Variants in POLR2E observed in about 807,000 individuals in gnomAD.
POLR2E encodes DNA-directed RNA polymerases I, II, and III subunit RPABC1.
Under a neutral mutation model 29.8 loss-of-function variants are expected in POLR2E, and 35 were observed. The ratio of observed to expected loss-of-function variants is 1.17; its 90% confidence interval spans 0.90 to 1.55. The LOEUF is 1.55. Ranked by LOEUF, POLR2E falls within the 40% of genes most tolerant of loss-of-function variation. The pLI is 0.00. For synonymous variants in POLR2E, 174 were observed against 112.6 expected, an observed-to-expected ratio of 1.55 and a Z score of -3.45; for missense variants, 287 against 288.6, an observed-to-expected ratio of 0.99 and a Z score of 0.04.
Position 1,093,923 on chromosome 19 carries a change from C to T in POLR2E, c.213G>A (p.Gln71=), listed in dbSNP as rs2043891098. 1 of 1,606,402 alleles carries T rather than the reference C, an allele frequency of 6.2e-7. No homozygotes were observed. The highest frequency in any genetic ancestry group is 1.1e-5 in the South Asian group (1 of 90,186). Residue 71 remains glutamine, a synonymous_variant, in exon 2 of 8, where the codon CAG becomes CAA. Transcript: ENST00000615234. ...GCTCACCTGGAAAGAACACAAACAT[C>T]TGGTCGGTGGGGTCATCGTTGTGGG... is the stretch of plus-strand genomic sequence containing the variant. ...LVAHNDDPTD[Q]MFVFFPEEPK...
At position 1,086,978 on chromosome 19, in the gene POLR2E, C is replaced by G. The variant is rs895310620; in HGVS notation, c.*1757G>C. On this transcript the variant is annotated 3_prime_UTR_variant, in exon 8 of 8. Coordinates refer to ENST00000615234, the MANE Select transcript of POLR2E (RefSeq NM_002695.5). Reference sequence around the variant, plus strand: ...CCAAGCACTGGAAACGTGGCCCATGCGCCTGTGGAACTGCATTTTTTTTTT... The same window carrying G: ...CCAAGCACTGGAAACGTGGCCCATGGGCCTGTGGAACTGCATTTTTTTTTT... 1 of 147,550 alleles carries G rather than the reference C, an allele frequency of 6.8e-6. No homozygotes were observed. Among genetic ancestry groups the G allele is most frequent in the African/African-American group, 2.6e-5 (1 of 39,172 alleles). The allele number at this position is 147,550 out of a possible 1,614,324, so 9.1% of individuals were successfully genotyped here. A position where few individuals can be genotyped will look rare whatever the true frequency, so the allele number is the denominator to read the frequency against.
At position 1,095,289 on chromosome 19, in the gene POLR2E, C is replaced by A; in HGVS notation, c.27G>T (p.Arg9=). ...TGATGGTCTTGCGGATTTTCCAGAGCCGGTACGTCTCCTCCTCGTCGTCCA... is the reference window on the plus strand; with the variant it reads ...TGATGGTCTTGCGGATTTTCCAGAGACGGTACGTCTCCTCCTCGTCGTCCA... MDDEEETY[R]LWKIRKTIMQ... is the part of the protein sequence containing the mutation. The change falls in exon 1 of 8, where the codon CGG becomes CGT. Residue 9 remains arginine (R), a synonymous_variant. Transcript: ENST00000615234. 1 of 1,613,304 alleles carries A rather than the reference C, an allele frequency of 6.2e-7. No individual in the cohort carries two copies. Among genetic ancestry groups the A allele is most frequent in the Non-Finnish European group, 8.5e-7 (1 of 1,179,786 alleles).
chr19:1,090,918 G>T lies in POLR2E; in HGVS notation c.419C>A (p.Thr140Lys), dbSNP rs948584739. The T allele has an allele frequency of 6.2e-7, 1 of 1,612,874 alleles. No individual in the cohort carries two copies. The highest frequency in any genetic ancestry group is 8.5e-7 in the Non-Finnish European group (1 of 1,179,810). ...GCGGCGCGCGCCCACCTCGTGCTCC[G>T]TGATGTTGATGAGCAGCTCCTGCTG... The part of the protein sequence containing the change: ...FLQQELLINI[T>K]EHELVPEHVV... The change falls in exon 4 of 8, where the codon ACG (threonine) becomes AAG (lysine). Residue 140 changes from threonine (T) to lysine (K), a missense_variant. Coordinates refer to ENST00000615234, the MANE Select transcript of POLR2E (RefSeq NM_002695.5).
In POLR2E at chr19:1,086,784, GC is replaced by G. The variant is rs2043682164; in HGVS notation, c.*1950del. 6.6e-6 allele frequency: 1 copy of G among 152,152 alleles called. No individual in the cohort carries two copies. Among genetic ancestry groups the G allele is most frequent in the South Asian group, 2.1e-4 (1 of 4,830 alleles). 9.4% of individuals were successfully genotyped at this position (152,152 alleles called of 1,614,324 possible). On this transcript the variant is annotated 3_prime_UTR_variant, in exon 8 of 8. Transcript: ENST00000615234. ...GAGGAAGGGAACCCCCCGCCACGGG[GC>G]CCCGCGAGGTGGGAGCCCGGGTGGT... is the stretch of plus-strand genomic sequence containing the variant.
At position 1,088,259 on chromosome 19, in the gene POLR2E, C is replaced by T. The variant is rs1162908157; in HGVS notation, c.*476G>A. 1 of 152,408 alleles carries T rather than the reference C, an allele frequency of 6.6e-6. No individual in the cohort carries two copies. The highest frequency in any genetic ancestry group is 1.5e-5 in the Non-Finnish European group (1 of 68,054). The allele number at this position is 152,408 out of a possible 1,614,324, so 9.4% of individuals were successfully genotyped here. On this transcript the variant is annotated 3_prime_UTR_variant, in exon 8 of 8. Transcript: ENST00000615234. ...ACCGAGAACTCCAGAGCTGGCATCTCGCACCCTGGTGGCTTGAGCGCGTGC... is the reference window on the plus strand; with the variant it reads ...ACCGAGAACTCCAGAGCTGGCATCTTGCACCCTGGTGGCTTGAGCGCGTGC...
intron 1 of POLR2E, 47 bp downstream of exon 1, chr19:1,095,212 T>C: frequency 1.3e-6 from 2 of 1,598,694 alleles, no homozygotes; most frequent in East Asian, 4.5e-5. Flanking sequence ...CTCGGGCCCC[T>C]ACACCCGCCG....
intron 6 of POLR2E, 64 bp from the exon 7 acceptor site, chr19:1,089,615 A>G: frequency 7.1e-7 from 1 of 1,406,528 alleles, no homozygotes; most frequent in Non-Finnish European, 1.0e-6. Context: ...ACCAGACAGC[A>G]GGCGGGCAGC....
At chr19:1,090,726 CA>C (rs2043811534) in intron 4 of POLR2E, among the ~76,000 whole-genome samples, 181 bp downstream of exon 4, 1 of 152,022 alleles carries the variant, frequency 6.6e-6, no homozygotes, top group Non-Finnish European at 1.5e-5. Flanking sequence ...CCGGGATCTG[CA>C]TTTCTAGGAA....
In POLR2E at chr19:1,091,847, T is replaced by C. The variant is rs753673585; in HGVS notation, c.293A>G (p.Asn98Ser). The C allele has an allele frequency of 1.1e-5, 17 of 1,613,176 alleles. No individual in the cohort carries two copies. ...CACCACGATGAGAGCCCGTGTGATG[T>C]TCTCCTCCTGCATGCGCTGGCAGTA... is the stretch of plus-strand genomic sequence containing the variant. ...KVYCQRMQEE[N>S]ITRALIVVQQ... The change falls in exon 3 of 8, where the codon AAC becomes AGC. Residue 98 changes from asparagine to serine, a missense_variant. Asn to Ser is a conservative substitution (Grantham distance 46, BLOSUM62 1). Transcript: ENST00000615234.
At chr19:1,093,361 G>A (rs1004697215) in intron 2 of POLR2E, among the ~76,000 whole-genome samples, 3 of 152,202 alleles carry the variant, frequency 2.0e-5, no homozygotes, top group African/African-American at 7.2e-5. Flanking sequence ...AGACAGGTGC[G>A]GAGACTTCCG....
chr19:1,089,453 T>G lies in POLR2E; in HGVS notation c.*14+19A>C. On this transcript the variant is annotated intron_variant, in intron 7 of 7. Coordinates refer to ENST00000615234, the MANE Select transcript of POLR2E (RefSeq NM_002695.5). ...CTGCCTCTGACCCCACCTCAGTGCC[T>G]GTCCCTCGGCCGTCTCACCTGTCAG... 6.4e-7 allele frequency: 1 copy of G among 1,566,602 alleles called. No homozygotes were observed. Among genetic ancestry groups the G allele is most frequent in the Non-Finnish European group, 8.8e-7 (1 of 1,137,670 alleles).
chr19:1,092,138 C>G (rs1246854234), intron 2 of POLR2E, among the ~76,000 whole-genome samples: 3 of 152,204 alleles, frequency 2.0e-5, no homozygotes, highest in Admixed American at 2.0e-4. Context: ...GCTGACACCC[C>G]TCAGTCACCC....
At chr19:1,094,916 T>C (rs1205831894) in intron 1 of POLR2E, 3 of 379,936 alleles carry the variant, frequency 7.9e-6, no homozygotes, top group Admixed American at 4.4e-5. Flanking sequence ...CAAGGACAAA[T>C]AGCGACGCTG....
chr19:1,089,012 G>A (rs892247400), intron 7 of POLR2E, among the ~76,000 whole-genome samples: 1 of 152,216 alleles, frequency 6.6e-6, no homozygotes, highest in African/African-American at 2.4e-5. Flanking sequence ...TCCAGGGGAA[G>A]CTGGGAGGCT....
intron 7 of POLR2E, among the ~76,000 whole-genome samples, chr19:1,088,979 A>G (rs2043769932): frequency 6.6e-6 from 1 of 152,136 alleles, no homozygotes; most frequent in Admixed American, 6.5e-5. Flanking sequence ...GGCCTGCAGG[A>G]CAGCAGCTCG....
rs1422391118 is a variant in POLR2E at position 1,088,459 on chromosome 19, A to T, written c.*276T>A. 1 of 152,224 alleles carries T rather than the reference A, an allele frequency of 6.6e-6. No homozygotes were observed. Among genetic ancestry groups the T allele is most frequent in the Non-Finnish European group, 1.5e-5 (1 of 68,094 alleles). The allele number at this position is 152,224 out of a possible 1,614,324, so 9.4% of individuals were successfully genotyped here. ...GGGACCCAGCGTGGTCTGGGTGAAG[A>T]CCCGGCACCAGCTGCCCCCAGGTGA... On this transcript the variant is annotated 3_prime_UTR_variant, in exon 8 of 8. Transcript: ENST00000615234.
chr19:1,089,325 T>G, intron 7 of POLR2E, 147 bp downstream of exon 7: 1 of 598,280 alleles, frequency 1.7e-6, no homozygotes, highest in South Asian at 1.9e-5. Flanking sequence ...GGTCTGGGGG[T>G]GTCCTGGGAG....
In POLR2E at chr19:1,091,868, C is replaced by T; in HGVS notation, c.272G>A (p.Cys91Tyr). 1 of 1,613,190 alleles carries T rather than the reference C, an allele frequency of 6.2e-7. No homozygotes were observed. The highest frequency in any genetic ancestry group is 8.5e-7 in the Non-Finnish European group (1 of 1,179,738). Residue 91 changes from cysteine to tyrosine, a missense_variant, in exon 3 of 8, where the codon TGC becomes TAC. Physicochemically the swap from Cys to Tyr is radical, Grantham distance 194. Transcript: ENST00000615234. ...KVGIKTIKVY[C>Y]QRMQEENITR... ...GATGTTCTCCTCCTGCATGCGCTGGCAGTACACCTTGATGGTCTTGATGCC... is the reference window on the plus strand; with the variant it reads ...GATGTTCTCCTCCTGCATGCGCTGGTAGTACACCTTGATGGTCTTGATGCC...
chr19:1,089,423 C>A, intron 7 of POLR2E, 49 bp downstream of exon 7: 1 of 1,263,678 alleles, frequency 7.9e-7, no homozygotes, highest in East Asian at 2.4e-5. Context: ...GAGGGGACGA[C>A]ACCCCTGCCT....
Sources: allele counts gnomAD v4.1 joint callset (sites outside exome capture counted in the v4.1 genomes callset), GRCh38; gene constraint gnomAD v4.1.1; transcripts MANE v1.5; gene names NCBI Gene and HGNC (gene_info 2026-07-23, HGNC 2026-07-21).